Variants in DMBX1 observed in about 807,000 individuals in gnomAD.
The protein encoded by DMBX1 is diencephalon/mesencephalon homeobox 1.
A neutral mutation model predicts 30.4 loss-of-function variants in DMBX1; 7 were observed. The ratio of observed to expected loss-of-function variants is 0.23; its 90% CI spans 0.13 to 0.43. The LOEUF is 0.43. DMBX1 is among the 20% of genes least tolerant of loss of function. DMBX1 has a pLI of 1.00. For missense variants in DMBX1, 460 were observed against 508.5 expected, an observed-to-expected ratio of 0.90 and a Z score of 0.92; for synonymous variants, 222 against 214.2, an observed-to-expected ratio of 1.04 and a Z score of -0.32.
At chr1:46,492,552 G>A (rs1225583003) in intron 2 of DMBX1, among the ~76,000 whole-genome samples, 1 of 152,176 alleles carries the variant, frequency 6.6e-6, no homozygotes, top group Non-Finnish European at 1.5e-5. Flanking sequence ...GGAGCAAGGG[G>A]ACATTGTCGG....
intron 2 of DMBX1, among the ~76,000 whole-genome samples, chr1:46,496,569 A>G (rs1414983552): frequency 6.6e-6 from 1 of 152,234 alleles, no homozygotes; most frequent in African/African-American, 2.4e-5. Context: ...GCTTCTTTTA[A>G]AATCTTGGAC....
intron 2 of DMBX1, among the ~76,000 whole-genome samples, chr1:46,496,176 A>G (rs1386630916): frequency 1.3e-5 from 2 of 152,152 alleles, no homozygotes; most frequent in Non-Finnish European, 2.9e-5. Context: ...CCAGGAATGG[A>G]TATGGGGCTC....
chr1:46,492,184 G>A (rs540956150), intron 2 of DMBX1, among the ~76,000 whole-genome samples: 1 of 152,234 alleles, frequency 6.6e-6, no homozygotes, highest in Non-Finnish European at 1.5e-5. Flanking sequence ...ACAAGCACTC[G>A]GGCCTCGGGA....
At chr1:46,502,127 T>G (rs528367184) in intron 2 of DMBX1, among the ~76,000 whole-genome samples, 4 of 152,346 alleles carry the variant, frequency 2.6e-5, no homozygotes, top group African/African-American at 9.6e-5. Context: ...GTGTGAATGC[T>G]GACTCTGAAG....
intron 2 of DMBX1, among the ~76,000 whole-genome samples, chr1:46,498,094 C>T (rs1221054876): frequency 6.6e-6 from 1 of 152,114 alleles, no homozygotes; most frequent in African/African-American, 2.4e-5. Flanking sequence ...TAGGGGCCAC[C>T]AGGACTCAGA....
Position 46,507,085 on chromosome 1 carries a change from G to T in DMBX1, c.75G>T (p.Gln25His). ...TCAGCGCCATGTACAACCTGCACCA[G>T]CAGGCAGCCCAGCAGGCCCAGCATG... ...NSLSAMYNLH[Q>H]QAAQQAQHAP... The change falls in exon 3 of 6, where the codon CAG becomes CAT. Residue 25 changes from glutamine (Q) to histidine (H), a missense_variant. By Grantham distance (24) the Gln-to-His change is conservative. Around this residue, in one of 3 missense-constraint regions of DMBX1, gnomAD observed 124 missense variants for 144.0 expected, o/e 0.86. Coordinates refer to ENST00000360032, the MANE Select transcript of DMBX1 (RefSeq NM_172225.2). 4.3e-6 allele frequency: 7 copies of T among 1,614,234 alleles called. No individual in the cohort carries two copies. Among genetic ancestry groups the T allele is most frequent in the Non-Finnish European group, 5.9e-6 (7 of 1,180,052 alleles).
Position 46,514,228 on chromosome 1 carries a change from AT to A in DMBX1, c.*1735del, listed in dbSNP as rs34609066. ...ACTCCATCTCAAAAAAAAAAAAAAA[AT>A]AAATAAAAGCTGTGTGACCTTGGGC... is the stretch of plus-strand genomic sequence containing the variant. On this transcript the variant is annotated 3_prime_UTR_variant, in exon 6 of 6. Coordinates refer to ENST00000360032, the MANE Select transcript of DMBX1 (RefSeq NM_172225.2). The A allele has an allele frequency of 0.34, 51,121 of 148,468 alleles. 9,870 individuals are homozygous for A. The highest frequency in any genetic ancestry group is 0.45 in the Non-Finnish European group (30,243 of 67,120). 9.2% of individuals were successfully genotyped at this position (148,468 alleles called of 1,614,324 possible).
At position 46,510,180 on chromosome 1, in the gene DMBX1, C is replaced by T. The variant is rs1029169387; in HGVS notation, c.155-296C>T. 6.6e-6 allele frequency among the ~76,000 whole-genome samples: 1 copy of T among 152,198 alleles called. No individual in the cohort carries two copies. Among genetic ancestry groups the T allele is most frequent in the African/African-American group, 2.4e-5 (1 of 41,434 alleles). On this transcript the variant is annotated intron_variant, in intron 3 of 5. Coordinates refer to ENST00000360032, the MANE Select transcript of DMBX1 (RefSeq NM_172225.2). The surrounding 1 kb of genome is among the most constrained non-coding windows in gnomAD (Gnocchi z 4.1). Reference sequence around the variant, plus strand: ...AGTATCCATCTTAGGGTAATACCCACCTACCCAATCCCAATGCCAAATAAT... The same window carrying T: ...AGTATCCATCTTAGGGTAATACCCATCTACCCAATCCCAATGCCAAATAAT...
chr1:46,492,849 T>G (rs1294630188), intron 2 of DMBX1, among the ~76,000 whole-genome samples: 1 of 152,056 alleles, frequency 6.6e-6, no homozygotes, highest in Non-Finnish European at 1.5e-5. Flanking sequence ...CAGGTTAAAC[T>G]CACGCAGACA....
intron 2 of DMBX1, among the ~76,000 whole-genome samples, chr1:46,501,213 C>CCTTTCTTTCTTTCTTT (rs764250449): frequency 1.7e-4 from 13 of 74,558 alleles, no homozygotes; most frequent in South Asian, 6.6e-4. Context: ...TTCCTTCCTT[C>CCTTTCTTTCTTTCTTT]CTTTCTTTCT....
intron 2 of DMBX1, among the ~76,000 whole-genome samples, chr1:46,501,268 TTCTC>T (rs201108255): frequency 0.023 from 2,703 of 119,064 alleles, 103 homozygotes; most frequent in South Asian, 0.041. Context: ...CTTTCTTTCT[TTCTC>T]TTCTTTCTTT....
chr1:46,512,308 C>T lies in DMBX1; in HGVS notation c.948C>T (p.Tyr316=). ...PLGSLHCQSY[Y]QSLSAAAAAH... The stretch of plus-strand genomic sequence containing the variant: ...GCTCACTGCACTGCCAGTCCTACTA[C>T]CAGTCCCTGTCAGCAGCCGCTGCTG... The change falls in exon 6 of 6, where the codon TAC becomes TAT. Residue 316 remains tyrosine, a synonymous_variant. Coordinates refer to ENST00000360032, the MANE Select transcript of DMBX1 (RefSeq NM_172225.2). The surrounding 1 kb of genome is among the most constrained non-coding windows in gnomAD (Gnocchi z 4.8). The T allele has an allele frequency of 6.2e-7, 1 of 1,613,674 alleles. No homozygotes were observed. Among genetic ancestry groups the T allele is most frequent in the Non-Finnish European group, 8.5e-7 (1 of 1,179,932 alleles).
At position 46,515,342 on chromosome 1, in the gene DMBX1, A is replaced by G. The variant is rs1297367674; in HGVS notation, c.*2848A>G. Among the ~76,000 whole-genome samples, 2 of 152,224 alleles carry G rather than the reference A, an allele frequency of 1.3e-5. No individual in the cohort carries two copies. Among genetic ancestry groups the G allele is most frequent in the African/African-American group, 4.8e-5 (2 of 41,458 alleles). On this transcript the variant is annotated 3_prime_UTR_variant, in exon 6 of 6. Coordinates refer to ENST00000360032, the MANE Select transcript of DMBX1 (RefSeq NM_172225.2). ...TGAAGCTTTTTGTCAGTTCCTGGGTACAAGTGACTGTCACTAGGCCTTGGA... is the reference window on the plus strand; with the variant it reads ...TGAAGCTTTTTGTCAGTTCCTGGGTGCAAGTGACTGTCACTAGGCCTTGGA...
chr1:46,509,191 G>A (rs1368953780), intron 3 of DMBX1, among the ~76,000 whole-genome samples: 1 of 151,988 alleles, frequency 6.6e-6, no homozygotes, highest in East Asian at 1.9e-4. Flanking sequence ...TCCTGCCTCA[G>A]CCTCCTGAGT....
intron 3 of DMBX1, 40 bp downstream of exon 3, chr1:46,507,204 G>A: frequency 6.2e-7 from 1 of 1,606,402 alleles, no homozygotes; most frequent in Middle Eastern, 1.7e-4. Flanking sequence ...ACAGGACTGT[G>A]GGGGTTGGGG....
rs1369944818 is a variant in DMBX1, at chr1:46,507,089, G to T, written c.79G>T (p.Ala27Ser). ...LSAMYNLHQQ[A>S]AQQAQHAPDY... is the part of the protein sequence containing the mutation. ...CGCCATGTACAACCTGCACCAGCAG[G>T]CAGCCCAGCAGGCCCAGCATGCCCC... is the stretch of plus-strand genomic sequence containing the variant. The change falls in exon 3 of 6, where the codon GCA (alanine) becomes TCA (serine). Residue 27 changes from alanine (A) to serine (S), a missense_variant. By Grantham distance (99) the Ala-to-Ser change is moderately conservative. This residue lies in a region of DMBX1 where 124 missense variants were observed against 144.0 expected (regional missense o/e 0.86). Transcript: ENST00000360032. The T allele has an allele frequency of 2.0e-5, 32 of 1,614,126 alleles. No homozygotes were observed. Among genetic ancestry groups the T allele is most frequent in the Non-Finnish European group, 2.7e-5 (32 of 1,180,056 alleles).
At chr1:46,502,708 G>A (rs190775174) in intron 2 of DMBX1, among the ~76,000 whole-genome samples, 3 of 152,126 alleles carry the variant, frequency 2.0e-5, no homozygotes, top group African/African-American at 2.4e-5. Context: ...ACAACATAGT[G>A]AGACCCTATC....
chr1:46,498,884 G>A (rs533669985), intron 2 of DMBX1, among the ~76,000 whole-genome samples: 1 of 152,272 alleles, frequency 6.6e-6, no homozygotes, highest in East Asian at 1.9e-4. Flanking sequence ...CAGGGGCCTT[G>A]ATGTCCAGCT....
chr1:46,496,460 A>C (rs1267412623), intron 2 of DMBX1, among the ~76,000 whole-genome samples: 1 of 152,050 alleles, frequency 6.6e-6, no homozygotes, highest in African/African-American at 2.4e-5. Flanking sequence ...TTGAGCCTCA[A>C]CTCCTCATCT....
Sources: gnomAD v4.1 joint callset for allele counts (sites outside exome capture counted in the v4.1 genomes callset) on GRCh38, gnomAD v4.1.1 for gene constraint, gnomAD v4.1.1 regional missense constraint, Gnocchi (gnomAD v3.1) non-coding constraint, MANE v1.5 for transcripts, NCBI Gene and HGNC (gene_info 2026-07-23, HGNC 2026-07-21) for gene names.